CERT1: variants seen among roughly 807,000 people sequenced by gnomAD.
CERT1 encodes the protein ceramide transfer protein.
A neutral mutation model predicts 87.9 loss-of-function variants in CERT1; 31 were observed. The ratio of observed to expected loss-of-function variants is 0.35; its 90% CI spans 0.27 to 0.48. The LOEUF (loss-of-function observed/expected upper bound fraction) is 0.48, where lower values mean the gene tolerates loss of function less well. CERT1 is among the 20% of genes least tolerant of loss of function. The pLI is 0.99. For missense variants in CERT1, 487 were observed against 758.0 expected (o/e 0.64, Z 4.20); for synonymous variants, 289 against 250.9 (o/e 1.15, Z -1.44).
chr5:75,445,083 G>A (rs1274490357), intron 3 of CERT1, among the ~76,000 whole-genome samples: 1 of 151,956 alleles, frequency 6.6e-6, no homozygotes, highest in East Asian at 1.9e-4. Context: ...TATATTCTGT[G>A]TGACTAAAAA....
chr5:75,478,111 G>A (rs187853408), intron 2 of CERT1, among the ~76,000 whole-genome samples: 96 of 152,178 alleles, frequency 6.3e-4, no homozygotes, highest in Admixed American at 1.1e-3. Context: ...TCAGGAGTTC[G>A]AGACTAGCCT....
intron 2 of CERT1, among the ~76,000 whole-genome samples, chr5:75,467,063 AC>A (rs140888134): frequency 0.011 from 1,638 of 152,314 alleles, 19 homozygotes; most frequent in East Asian, 0.022. Context: ...ACTGGAAATA[AC>A]CCAAATGTCC....
chr5:75,434,289 T>C (rs113652279), intron 3 of CERT1, among the ~76,000 whole-genome samples: 2 of 152,038 alleles, frequency 1.3e-5, no homozygotes, highest in African/African-American at 4.8e-5. Flanking sequence ...TCTGTTTATC[T>C]GATGAATCAC....
At chr5:75,497,360 T>C (rs548238794) in intron 2 of CERT1, among the ~76,000 whole-genome samples, 1 of 152,334 alleles carries the variant, frequency 6.6e-6, no homozygotes, top group East Asian at 1.9e-4. Context: ...TATATGTTAT[T>C]TCTTTTAATT....
chr5:75,488,730 T>C (rs1289434874), intron 2 of CERT1, among the ~76,000 whole-genome samples: 1 of 152,178 alleles, frequency 6.6e-6, no homozygotes, highest in African/African-American at 2.4e-5. Context: ...TTTGCTTTTA[T>C]GATTTGTTCC....
At chr5:75,461,369 G>A (rs1765220832) in intron 2 of CERT1, among the ~76,000 whole-genome samples, 1 of 152,214 alleles carries the variant, frequency 6.6e-6, no homozygotes, top group South Asian at 2.1e-4. Context: ...ATGATCTGAG[G>A]TGGAAGAGTT....
rs776669022 is a variant in CERT1, at chr5:75,404,253, T to G, written c.931-1195A>C. On this transcript the variant is annotated intron_variant, in intron 8 of 16. Transcript: ENST00000643780. The stretch of plus-strand genomic sequence containing the variant: ...TGTTGACTTAATGGAGTTCTTCTTT[T>G]AGGGTTATGAGGACTCAGTCCCCTA... Among the ~76,000 whole-genome samples, 4 of 148,254 alleles carry G rather than the reference T, an allele frequency of 2.7e-5. No homozygotes were observed. The East Asian group carries it at 7.8e-4, about 29-fold the overall frequency.
rs1191182407 is a variant in CERT1 at position 75,488,915 on chromosome 5, A to AT, written c.231+17066dup. 2.0e-5 allele frequency among the ~76,000 whole-genome samples: 3 copies of AT among 152,132 alleles called. No homozygotes were observed. In the East Asian group the frequency reaches 5.8e-4, roughly 29 times the overall value. On this transcript the variant is annotated intron_variant, in intron 2 of 16. Coordinates refer to ENST00000643780, the MANE Select transcript of CERT1 (RefSeq NM_001379029.1). ...TTTAAATAAAGCCTCATTAAAGAAA[A>AT]TTTTTTTCAGAGCCCATATAGCCAA...
chr5:75,487,370 G>A (rs1043559858), intron 2 of CERT1, among the ~76,000 whole-genome samples: 7 of 151,962 alleles, frequency 4.6e-5, no homozygotes, highest in African/African-American at 1.7e-4. Context: ...CTCAAACTCT[G>A]AAATTACTAA....
chr5:75,479,198 CA>C (rs1330017321), intron 2 of CERT1, among the ~76,000 whole-genome samples: 2 of 152,022 alleles, frequency 1.3e-5, no homozygotes, highest in East Asian at 3.9e-4. Flanking sequence ...CACTACTTTG[CA>C]AACATTATTA....
chr5:75,472,737 C>CT (rs1182596920), intron 2 of CERT1, among the ~76,000 whole-genome samples: 1 of 152,010 alleles, frequency 6.6e-6, no homozygotes, highest in Admixed American at 6.6e-5. Context: ...GTTGAAATGG[C>CT]TATTAGCAAA....
intron 12 of CERT1, among the ~76,000 whole-genome samples, chr5:75,389,230 C>A (rs1761933622): frequency 6.6e-6 from 1 of 152,078 alleles, no homozygotes; most frequent in Admixed American, 6.5e-5. Flanking sequence ...AAAGTGTCAT[C>A]TAGGCACAAC....
At chr5:75,397,471 G>A (rs1277994234) in intron 11 of CERT1, among the ~76,000 whole-genome samples, 1 of 152,194 alleles carries the variant, frequency 6.6e-6, no homozygotes, top group Non-Finnish European at 1.5e-5. Flanking sequence ...AAGCAATTCA[G>A]CTGTTCTACA....
chr5:75,476,972 A>AAAACCTTGAGCTGTTCCTTT (rs1765982882), intron 2 of CERT1, among the ~76,000 whole-genome samples: 1 of 152,152 alleles, frequency 6.6e-6, no homozygotes, highest in Non-Finnish European at 1.5e-5. Flanking sequence ...CCAAATTAAC[A>AAAACCTTGAGCTGTTCCTTT]AAACCTTGAG....
At chr5:75,492,192 C>A (rs1245281347) in intron 2 of CERT1, among the ~76,000 whole-genome samples, 1 of 151,806 alleles carries the variant, frequency 6.6e-6, no homozygotes, top group Non-Finnish European at 1.5e-5. Flanking sequence ...AAAAAACAAA[C>A]AAACAAACAA....
intron 12 of CERT1, 83 bp from the exon 13 acceptor site, chr5:75,386,117 G>T: frequency 9.3e-7 from 1 of 1,073,380 alleles, no homozygotes. Flanking sequence ...TAATACAGCT[G>T]CTCTTTAGAT....
chr5:75,429,502 C>T (rs1413914271), intron 3 of CERT1, among the ~76,000 whole-genome samples: 1 of 152,138 alleles, frequency 6.6e-6, no homozygotes, highest in Non-Finnish European at 1.5e-5. Flanking sequence ...CCTGCCTGCC[C>T]AAAATATCCT....
At chr5:75,374,907 C>T (rs1761234570), downstream of CERT1, 1 of 348,812 alleles carries the variant, frequency 2.9e-6, no homozygotes, top group Admixed American at 3.7e-5. Flanking sequence ...TCTGTGCCAC[C>T]TAGGGTGAGA....
At chr5:75,503,186 G>A (rs532133138) in intron 2 of CERT1, among the ~76,000 whole-genome samples, 1 of 152,030 alleles carries the variant, frequency 6.6e-6, no homozygotes, top group African/African-American at 2.4e-5. Context: ...CAAGAAATGT[G>A]GGTTCAGATG....
Sources: gnomAD v4.1 joint callset for allele counts (sites outside exome capture counted in the v4.1 genomes callset) on GRCh38, gnomAD v4.1.1 for gene constraint, MANE v1.5 for transcripts, NCBI Gene and HGNC (gene_info 2026-07-23, HGNC 2026-07-21) for gene names.